Variants in PHLPP1 observed in about 807,000 individuals in gnomAD.
PHLPP1 encodes PH domain leucine-rich repeat-containing protein phosphatase 1.
In PHLPP1, 42 loss-of-function variants were observed where a neutral mutation model predicts 117.2. The observed-to-expected ratio is 0.36, with a 90% CI of 0.28 to 0.46. The LOEUF (loss-of-function observed/expected upper bound fraction) is 0.46. Ranked by LOEUF, PHLPP1 falls within the 20% of genes least tolerant of loss-of-function variation. The pLI is 1.00. For synonymous variants in PHLPP1, 1,042 were observed against 970.7 expected, an observed-to-expected ratio of 1.07 and a Z score of -1.37; for missense variants, 2,084 against 2,241.9, an observed-to-expected ratio of 0.93 and a Z score of 1.42.
At chr18:62,963,603 C>G (rs1397820804) in intron 14 of PHLPP1, 131 bp downstream of exon 14, 2 of 625,966 alleles carry the variant, frequency 3.2e-6, no homozygotes, top group Non-Finnish European at 5.6e-6. Flanking sequence ...TGCAAGTTTC[C>G]CCAGAGTGAG....
chr18:62,753,411 G>T (rs746539159), intron 1 of PHLPP1, among the ~76,000 whole-genome samples: 2 of 152,142 alleles, frequency 1.3e-5, no homozygotes, highest in Non-Finnish European at 2.9e-5. Context: ...ATAACTGAAG[G>T]CTTGTTTTTA....
chr18:62,919,734 G>GT (rs911256117), intron 9 of PHLPP1, among the ~76,000 whole-genome samples: 1 of 152,072 alleles, frequency 6.6e-6, no homozygotes, highest in African/African-American at 2.4e-5. Flanking sequence ...TATAGAACTT[G>GT]TTTTTTGCTA....
intron 10 of PHLPP1, among the ~76,000 whole-genome samples, chr18:62,927,632 T>C (rs1243239413): frequency 1.3e-5 from 2 of 151,706 alleles, no homozygotes; most frequent in African/African-American, 4.8e-5. Context: ...GAAAAATTAA[T>C]AAGGGACATT....
At chr18:62,886,350 G>C (rs546945417) in intron 4 of PHLPP1, among the ~76,000 whole-genome samples, 1 of 152,228 alleles carries the variant, frequency 6.6e-6, no homozygotes, top group African/African-American at 2.4e-5. Flanking sequence ...ACAGTGGCAC[G>C]ATCACAGCTC....
chr18:62,951,661 C>T (rs917407116), intron 12 of PHLPP1, among the ~76,000 whole-genome samples: 1 of 151,824 alleles, frequency 6.6e-6, no homozygotes, highest in African/African-American at 2.4e-5. Flanking sequence ...ATTTTATGTT[C>T]TACTTTTTAT....
At chr18:62,884,680 C>A (rs1442288734) in intron 4 of PHLPP1, among the ~76,000 whole-genome samples, 1 of 152,210 alleles carries the variant, frequency 6.6e-6, no homozygotes, top group Non-Finnish European at 1.5e-5. Flanking sequence ...ACAAGTTAAA[C>A]ACGGGCTGTT....
At chr18:62,920,713 C>A (rs1909438854) in intron 10 of PHLPP1, among the ~76,000 whole-genome samples, 1 of 152,122 alleles carries the variant, frequency 6.6e-6, no homozygotes, top group African/African-American at 2.4e-5. Flanking sequence ...GCATGTGCCA[C>A]CACGCCCAGC....
Position 62,858,248 on chromosome 18 carries a change from T to C in PHLPP1, c.1900-2187T>C, listed in dbSNP as rs1385508386. 2.7e-5 allele frequency among the ~76,000 whole-genome samples: 4 copies of C among 150,708 alleles called. No homozygotes were observed. In the East Asian group the frequency reaches 7.8e-4, roughly 29 times the overall value. ...AGTAGTTTCTCCTAAGCTCAAATATTCCATCAGCAGAACCTTTTTTTTTTT... is the reference window on the plus strand; with the variant it reads ...AGTAGTTTCTCCTAAGCTCAAATATCCCATCAGCAGAACCTTTTTTTTTTT... On this transcript the variant is annotated intron_variant, in intron 3 of 16. Coordinates refer to ENST00000262719, the MANE Select transcript of PHLPP1 (RefSeq NM_194449.4).
At chr18:62,960,052 A>T (rs190717568) in intron 13 of PHLPP1, among the ~76,000 whole-genome samples, 2 of 152,358 alleles carry the variant, frequency 1.3e-5, no homozygotes, top group African/African-American at 4.8e-5. Flanking sequence ...GATTATCAAA[A>T]TACATCATCT....
At chr18:62,942,078 C>T (rs112387079) in intron 11 of PHLPP1, among the ~76,000 whole-genome samples, 160 bp downstream of exon 11, 73 of 152,256 alleles carry the variant, frequency 4.8e-4, no homozygotes, top group African/African-American at 1.6e-3. Flanking sequence ...ATGACATTTC[C>T]CTAAAGAGAA....
At chr18:62,964,558 C>T (rs1462523045) in intron 14 of PHLPP1, among the ~76,000 whole-genome samples, 2 of 152,186 alleles carry the variant, frequency 1.3e-5, no homozygotes, top group Non-Finnish European at 2.9e-5. Flanking sequence ...GAAGAGTTAA[C>T]AACTCTGTTC....
intron 3 of PHLPP1, 41 bp downstream of exon 3, chr18:62,838,950 C>T (rs1318193002): frequency 6.2e-7 from 1 of 1,609,578 alleles, no homozygotes; most frequent in South Asian, 1.1e-5. Flanking sequence ...CAGCTTCTAG[C>T]TGGCTACAAA....
At chr18:62,724,993 A>T (rs1911025798) in intron 1 of PHLPP1, among the ~76,000 whole-genome samples, 1 of 152,230 alleles carries the variant, frequency 6.6e-6, no homozygotes, top group South Asian at 2.1e-4. Flanking sequence ...TGTTAGAAAA[A>T]AATCATTGAA....
Position 62,716,535 on chromosome 18 carries a change from G to A in PHLPP1, c.852G>A (p.Ala284=). ...CGCGGGACTCGGAGGTACCGCCCGC[G>A]AGGAGCGCGCCGGGTGCCTTCGGGG... is the stretch of plus-strand genomic sequence containing the variant. ...PEPRDSEVPP[A]RSAPGAFGGP... Residue 284 remains alanine (A), a synonymous_variant, in exon 1 of 17, where the codon GCG becomes GCA. Transcript: ENST00000262719. This position sits in a 1 kb window ranked among gnomAD's most constrained non-coding sequence, Gnocchi z 5.7. The A allele has an allele frequency of 8.5e-7, 1 of 1,182,070 alleles. No homozygotes were observed. The highest frequency in any genetic ancestry group is 1.6e-5 in the African/African-American group (1 of 62,276). The allele number at this position is 1,182,070 out of a possible 1,614,324, so 73.2% of individuals were successfully genotyped here. A position where few individuals can be genotyped will look rare whatever the true frequency, so the allele number is the denominator to read the frequency against.
At chr18:62,893,470 A>G (rs1015322998) in intron 4 of PHLPP1, among the ~76,000 whole-genome samples, 4 of 152,244 alleles carry the variant, frequency 2.6e-5, no homozygotes, top group Admixed American at 6.5e-5. Flanking sequence ...AATTAAGTCT[A>G]TTATACTCAG....
chr18:62,964,149 G>C (rs1910843059), intron 14 of PHLPP1, among the ~76,000 whole-genome samples: 1 of 152,090 alleles, frequency 6.6e-6, no homozygotes, highest in Admixed American at 6.5e-5. Context: ...CTGTAAATTA[G>C]AACGGCCATA....
rs1247683900 is a variant in PHLPP1 at position 62,716,598 on chromosome 18, C to A, written c.915C>A (p.Pro305=). The change falls in exon 1 of 17, where the codon CCC becomes CCA. Residue 305 remains proline, a synonymous_variant. Transcript: ENST00000262719. The surrounding 1 kb of genome is among the most constrained non-coding windows in gnomAD (Gnocchi z 5.7). ...PRAPPADLPL[P]VGGPGGWSRR... ...CGCCCCCCGCCGACCTACCCCTGCC[C>A]GTCGGCGGCCCGGGCGGGTGGTCGC... is the stretch of plus-strand genomic sequence containing the variant. The A allele has an allele frequency of 3.8e-6, 5 of 1,300,660 alleles. No homozygotes were observed. Among genetic ancestry groups the A allele is most frequent in the Non-Finnish European group, 4.9e-6 (5 of 1,027,188 alleles). The allele number at this position is 1,300,660 out of a possible 1,614,324, so 80.6% of individuals were successfully genotyped here.
In PHLPP1 at chr18:62,898,332, C is replaced by A. The variant is rs150983141; in HGVS notation, c.2444+2321C>A. On this transcript the variant is annotated intron_variant, in intron 6 of 16. Coordinates refer to ENST00000262719, the MANE Select transcript of PHLPP1 (RefSeq NM_194449.4). ...GGATTTCTTTTTTTGCTGATAGCAA[C>A]ACCACCTCATTGGTTTTCCAGACAC... Among the ~76,000 whole-genome samples, 14 of 152,348 alleles carry A rather than the reference C, an allele frequency of 9.2e-5. No homozygotes were observed. In the East Asian group the frequency reaches 2.7e-3, roughly 29 times the overall value.
intron 1 of PHLPP1, among the ~76,000 whole-genome samples, chr18:62,758,922 A>C (rs937099319): frequency 1.3e-5 from 2 of 152,232 alleles, no homozygotes; most frequent in Non-Finnish European, 2.9e-5. Context: ...TTCTAAACTA[A>C]GGAAAAAGGA....
Sources: allele counts gnomAD v4.1 joint callset (sites outside exome capture counted in the v4.1 genomes callset), GRCh38; gene constraint gnomAD v4.1.1; non-coding constraint Gnocchi (gnomAD v3.1); transcripts MANE v1.5; gene names NCBI Gene and HGNC (gene_info 2026-07-23, HGNC 2026-07-21).